The following CTDSPL2 variants were observed in gnomAD, a reference collection of about 807,000 sequenced individuals.
The protein encoded by CTDSPL2 is CTD small phosphatase like 2, also known as CTD small phosphatase-like protein 2.
A neutral mutation model predicts 60.0 loss-of-function variants in CTDSPL2; 5 were observed. That is an observed-to-expected ratio of 0.08 (90% CI 0.04 to 0.18). The LOEUF (loss-of-function observed/expected upper bound fraction) is 0.18. CTDSPL2 is among the 10% of genes least tolerant of loss of function. The pLI, the probability that CTDSPL2 is intolerant of heterozygous loss-of-function variation, is 1.00. For synonymous variants in CTDSPL2, 186 were observed against 189.3 expected, an observed-to-expected ratio of 0.98 and a Z score of 0.14; for missense variants, 370 against 548.8, an observed-to-expected ratio of 0.67 and a Z score of 3.26.
At chr15:44,513,071 CAAA>C (rs1182992155) in intron 8 of CTDSPL2, among the ~76,000 whole-genome samples, 2 of 99,180 alleles carry the variant, frequency 2.0e-5, no homozygotes, top group East Asian at 5.9e-4. Flanking sequence ...GACTCCTTCT[CAAA>C]AAAAAAAAAA....
chr15:44,497,548 T>G (rs2081321581), intron 7 of CTDSPL2, among the ~76,000 whole-genome samples: 1 of 152,078 alleles, frequency 6.6e-6, no homozygotes, highest in Admixed American at 6.6e-5. Context: ...TGTTGTGTAT[T>G]TTTTGTAGAG....
At chr15:44,476,348 G>A (rs1427790587) in intron 2 of CTDSPL2, among the ~76,000 whole-genome samples, 1 of 152,048 alleles carries the variant, frequency 6.6e-6, no homozygotes, top group Non-Finnish European at 1.5e-5. Context: ...TTACAGTCGC[G>A]AGCCACTGCA....
intron 1 of CTDSPL2, among the ~76,000 whole-genome samples, chr15:44,428,640 G>T (rs2079795698): frequency 6.6e-6 from 1 of 152,208 alleles, no homozygotes. Flanking sequence ...ATGTTCCTCC[G>T]AGGCAGGGAT....
chr15:44,481,570 GTATTTT>G (rs1159130394), intron 2 of CTDSPL2, among the ~76,000 whole-genome samples: 1 of 152,046 alleles, frequency 6.6e-6, no homozygotes, highest in Admixed American at 6.6e-5. Context: ...CCTTTCACCT[GTATTTT>G]TATTTTTATT....
chr15:44,430,376 G>C (rs922714822), intron 1 of CTDSPL2, among the ~76,000 whole-genome samples: 3 of 152,038 alleles, frequency 2.0e-5, no homozygotes, highest in African/African-American at 7.2e-5. Context: ...CTCCCAAGTA[G>C]CTGGGACTGC....
At chr15:44,495,811 A>C (rs1308153122) in intron 5 of CTDSPL2, among the ~76,000 whole-genome samples, 1 of 152,074 alleles carries the variant, frequency 6.6e-6, no homozygotes, top group Non-Finnish European at 1.5e-5. Context: ...GCACGTGTCT[A>C]ATCCCAGCTG....
intron 8 of CTDSPL2, among the ~76,000 whole-genome samples, chr15:44,505,396 C>T (rs1315785466): frequency 6.6e-6 from 1 of 151,702 alleles, no homozygotes; most frequent in Non-Finnish European, 1.5e-5. Flanking sequence ...GCACTCCACC[C>T]TGGGTGACAG....
chr15:44,440,899 A>G (rs545160283), intron 1 of CTDSPL2, among the ~76,000 whole-genome samples: 1 of 152,182 alleles, frequency 6.6e-6, no homozygotes, highest in African/African-American at 2.4e-5. Context: ...GTTGTTGCAG[A>G]GGGTACCTTA....
chr15:44,438,743 G>T (rs915902586), intron 1 of CTDSPL2, among the ~76,000 whole-genome samples: 3 of 152,098 alleles, frequency 2.0e-5, no homozygotes, highest in African/African-American at 4.8e-5. Flanking sequence ...AAATTTAGAG[G>T]CAGTAGAGAT....
At chr15:44,437,919 G>A (rs2080008633) in intron 1 of CTDSPL2, among the ~76,000 whole-genome samples, 1 of 152,186 alleles carries the variant, frequency 6.6e-6, no homozygotes, top group African/African-American at 2.4e-5. Context: ...AAGAGCAGAA[G>A]CATGTATAGA....
intron 2 of CTDSPL2, among the ~76,000 whole-genome samples, chr15:44,459,670 A>G (rs1238961764): frequency 6.6e-6 from 1 of 152,230 alleles, no homozygotes; most frequent in Non-Finnish European, 1.5e-5. Flanking sequence ...TAAGAAGAAC[A>G]TTATTCCACT....
intron 1 of CTDSPL2, among the ~76,000 whole-genome samples, chr15:44,430,930 T>C (rs2079843641): frequency 6.6e-6 from 1 of 151,962 alleles, no homozygotes; most frequent in Non-Finnish European, 1.5e-5. Context: ...CAAGTAATTA[T>C]CCTGCCTCAG....
intron 1 of CTDSPL2, chr15:44,448,157 C>A: frequency 3.9e-6 from 1 of 257,374 alleles, no homozygotes; most frequent in South Asian, 4.0e-5. Context: ...CCCATGTGCT[C>A]AATGGTTTGG....
At chr15:44,479,722 T>C (rs1481907031) in intron 2 of CTDSPL2, among the ~76,000 whole-genome samples, 1 of 152,162 alleles carries the variant, frequency 6.6e-6, no homozygotes, top group African/African-American at 2.4e-5. Flanking sequence ...TTATTTTGCC[T>C]GATTTTGAAA....
intron 1 of CTDSPL2, among the ~76,000 whole-genome samples, chr15:44,430,532 C>T (rs1311045718): frequency 6.6e-6 from 1 of 152,044 alleles, no homozygotes; most frequent in Non-Finnish European, 1.5e-5. Context: ...CGGGTATTTG[C>T]CACCAAGCCG....
chr15:44,490,912 A>C lies in CTDSPL2; in HGVS notation c.604A>C (p.Asn202His), dbSNP rs1179168108. 1 of 1,614,020 alleles carries C rather than the reference A, an allele frequency of 6.2e-7. No individual in the cohort carries two copies. Among genetic ancestry groups the C allele is most frequent in the Non-Finnish European group, 8.5e-7 (1 of 1,180,006 alleles). The change falls in exon 5 of 13, where the codon AAT becomes CAT. Residue 202 changes from asparagine (N) to histidine (H), a missense_variant. By Grantham distance (68) the Asn-to-His change is moderately conservative. Coordinates refer to ENST00000260327, the MANE Select transcript of CTDSPL2 (RefSeq NM_016396.3). Reference sequence around the variant, plus strand: ...ATCAACTAATGGAGCAGCTTACTCAAATCAAGCAGTTCAAGTGAGACCATC... The same window carrying C: ...ATCAACTAATGGAGCAGCTTACTCACATCAAGCAGTTCAAGTGAGACCATC... ...TTSTNGAAYS[N>H]QAVQVRPSLN...
At chr15:44,452,991 A>C (rs1456490717) in intron 1 of CTDSPL2, among the ~76,000 whole-genome samples, 1 of 152,086 alleles carries the variant, frequency 6.6e-6, no homozygotes, top group Non-Finnish European at 1.5e-5. Flanking sequence ...TTTTTCCAAT[A>C]ATGTCTTTTG....
In CTDSPL2 at chr15:44,526,535, T is replaced by C. The variant is rs2081876706; in HGVS notation, c.*2361T>C. The C allele has an allele frequency of 6.6e-6, 1 of 152,182 alleles. No individual in the cohort carries two copies. The highest frequency in any genetic ancestry group is 1.5e-5 in the Non-Finnish European group (1 of 67,986). The allele number at this position is 152,182 out of a possible 1,614,324, so 9.4% of individuals were successfully genotyped here. Reference sequence around the variant, plus strand: ...CGTAAAGAAATAAACTAAGAAAATTTTTTATGGCTTGAGAAAATTCCTTGA... The same window carrying C: ...CGTAAAGAAATAAACTAAGAAAATTCTTTATGGCTTGAGAAAATTCCTTGA... On this transcript the variant is annotated 3_prime_UTR_variant, in exon 13 of 13. Coordinates refer to ENST00000260327, the MANE Select transcript of CTDSPL2 (RefSeq NM_016396.3).
chr15:44,522,849 G>A (rs2081805560), intron 12 of CTDSPL2, among the ~76,000 whole-genome samples: 1 of 152,098 alleles, frequency 6.6e-6, no homozygotes, highest in South Asian at 2.1e-4. Context: ...ACTTTATTCT[G>A]GGAATTCTAT....
Sources: allele counts gnomAD v4.1 joint callset (sites outside exome capture counted in the v4.1 genomes callset), GRCh38; gene constraint gnomAD v4.1.1; transcripts MANE v1.5; gene names NCBI Gene and HGNC (gene_info 2026-07-23, HGNC 2026-07-21).